The following DPP6 variants were observed in gnomAD, a reference collection of about 807,000 sequenced individuals.
DPP6 encodes the protein dipeptidyl peptidase like 6.
DPP6 carries 69 observed loss-of-function variants against 122.6 expected under a neutral mutation model. The observed-to-expected ratio is 0.56, with a 90% CI of 0.46 to 0.69. The LOEUF is 0.69. Among genes scored for constraint, DPP6 ranks in the 30% least tolerant of loss-of-function variants. The pLI is 0.00. For synonymous variants in DPP6, 418 were observed against 433.1 expected, an observed-to-expected ratio of 0.97 and a Z score of 0.43; for missense variants, 928 against 1,116.9, an observed-to-expected ratio of 0.83 and a Z score of 2.41.
intron 1 of DPP6, among the ~76,000 whole-genome samples, chr7:154,134,467 G>A (rs1440282332): frequency 7.9e-5 from 12 of 152,102 alleles, no homozygotes; most frequent in African/African-American, 2.7e-4. Context: ...CCTGACTCCC[G>A]ATGTGCTCCT....
intron 16 of DPP6, among the ~76,000 whole-genome samples, chr7:154,819,220 G>C (rs952700178): frequency 6.6e-6 from 1 of 152,190 alleles, no homozygotes; most frequent in Non-Finnish European, 1.5e-5. Context: ...TTCAAGACCA[G>C]CCTGGCCAAT....
intron 1 of DPP6, among the ~76,000 whole-genome samples, chr7:153,970,649 G>A (rs1374649849): frequency 6.6e-6 from 1 of 152,156 alleles, no homozygotes; most frequent in African/African-American, 2.4e-5. Flanking sequence ...CTGTAATACA[G>A]TTCATGTTAA....
At chr7:154,408,991 A>T (rs1361057731) in intron 1 of DPP6, among the ~76,000 whole-genome samples, 1 of 152,004 alleles carries the variant, frequency 6.6e-6, no homozygotes, top group East Asian at 1.9e-4. Flanking sequence ...AAAAGTAAAA[A>T]AATTAGCCAG....
chr7:154,891,978 G>C (rs1284749090), intron 25 of DPP6, among the ~76,000 whole-genome samples: 1 of 152,168 alleles, frequency 6.6e-6, no homozygotes, highest in Non-Finnish European at 1.5e-5. Flanking sequence ...CCGGACTGTA[G>C]AGTGTTGAAT....
chr7:154,223,071 T>G lies in DPP6; in HGVS notation c.243+170008T>G, dbSNP rs185668198. On this transcript the variant is annotated intron_variant, in intron 1 of 25. Coordinates refer to ENST00000377770, the MANE Select transcript of DPP6 (RefSeq NM_130797.4). ...TTGAGGTAGAACAGACTGCTACAGG[T>G]GAGAGAGTCTTGGTTTCCACTCCTG... Among the ~76,000 whole-genome samples the G allele has an allele frequency of 1.3e-3, 193 of 149,318 alleles. 4 individuals carry two copies. The Middle Eastern group carries it at 0.024, about 18-fold the overall frequency.
rs548692039 is a variant in DPP6, at chr7:154,648,016, C to T, written c.680+10143C>T. Reference sequence around the variant, plus strand: ...GTGTAATCCCAGCACTTTGGGGGACCGAGGCGGGCAGATCACCTGAGGTCA... The same window carrying T: ...GTGTAATCCCAGCACTTTGGGGGACTGAGGCGGGCAGATCACCTGAGGTCA... On this transcript the variant is annotated intron_variant, in intron 6 of 25. Transcript: ENST00000377770. Among the ~76,000 whole-genome samples, 17 of 151,692 alleles carry T rather than the reference C, an allele frequency of 1.1e-4. No individual in the cohort carries two copies. In the East Asian group the frequency reaches 2.5e-3, roughly 23 times the overall value.
chr7:154,345,640 T>A (rs1385936774), intron 1 of DPP6, among the ~76,000 whole-genome samples: 2 of 152,148 alleles, frequency 1.3e-5, no homozygotes, highest in African/African-American at 2.4e-5. Flanking sequence ...TACCTTGGGC[T>A]TTGCTGTTCC....
At chr7:154,493,090 TG>T (rs1824428118) in intron 3 of DPP6, among the ~76,000 whole-genome samples, 1 of 152,056 alleles carries the variant, frequency 6.6e-6, no homozygotes, top group Non-Finnish European at 1.5e-5. Context: ...TGGAAATGAG[TG>T]CACAGTTTGA....
At chr7:153,881,158 A>C in the DPP6 span, among the ~76,000 whole-genome samples, 1 of 152,206 alleles carries the variant, frequency 6.6e-6, no homozygotes. Flanking sequence ...ACAACCTACT[A>C]CTCATCAGTC....
rs984804505 is a variant in DPP6, at chr7:154,106,193, C to T, written c.243+53130C>T. Among the ~76,000 whole-genome samples, 23 of 143,420 alleles carry T rather than the reference C, an allele frequency of 1.6e-4. 1 individual carries two copies. The highest frequency in any genetic ancestry group is 1.8e-4 in the Non-Finnish European group (12 of 66,274). 94.1% of individuals were successfully genotyped at this position (143,420 alleles called of 152,430 possible). A position where few individuals can be genotyped will look rare whatever the true frequency, so the allele number is the denominator to read the frequency against. On this transcript the variant is annotated intron_variant, in intron 1 of 25. Transcript: ENST00000377770. ...GAGTTCCCCCAGGCTCCGTTACTTC[C>T]TTCTTTGCTCCCATAGCATTACCTG...
chr7:154,883,034 C>T (rs1805529755), intron 21 of DPP6, among the ~76,000 whole-genome samples: 1 of 131,382 alleles, frequency 7.6e-6, no homozygotes, highest in African/African-American at 3.2e-5. Flanking sequence ...CACCCATACA[C>T]ATGCTCACAC....
chr7:154,522,559 G>A (rs994051754), intron 3 of DPP6, among the ~76,000 whole-genome samples: 1 of 152,202 alleles, frequency 6.6e-6, no homozygotes, highest in African/African-American at 2.4e-5. Context: ...GCTGAATGCT[G>A]TTTGTATTTA....
At chr7:153,791,420 C>CTTTATTTTTTTT in the DPP6 span, among the ~76,000 whole-genome samples, 2 of 24,238 alleles carry the variant, frequency 8.3e-5, no homozygotes, top group African/African-American at 1.2e-4. Context: ...TCCTTCCTTC[C>CTTTATTTTTTTT]TTTCTTTTTT....
At chr7:153,952,445 ATTT>A (rs1802263639) in intron 1 of DPP6, among the ~76,000 whole-genome samples, 1 of 152,226 alleles carries the variant, frequency 6.6e-6, no homozygotes, top group Admixed American at 6.5e-5. Flanking sequence ...TCAAATCCAG[ATTT>A]TAATTCTATC....
At chr7:153,987,770 G>A (rs1796924961) in intron 1 of DPP6, among the ~76,000 whole-genome samples, 1 of 152,072 alleles carries the variant, frequency 6.6e-6, no homozygotes, top group Non-Finnish European at 1.5e-5. Context: ...TTTGTTGTCT[G>A]ATTTAAATAT....
chr7:154,776,199 T>TAATAGATA (rs1554463870), intron 10 of DPP6, among the ~76,000 whole-genome samples: 11 of 148,442 alleles, frequency 7.4e-5, no homozygotes, highest in Non-Finnish European at 1.5e-4. Context: ...CCATGATAGA[T>TAATAGATA]GATAGATAGA....
At chr7:154,630,046 C>T (rs981618952) in intron 5 of DPP6, among the ~76,000 whole-genome samples, 1 of 152,200 alleles carries the variant, frequency 6.6e-6, no homozygotes, top group African/African-American at 2.4e-5. Context: ...TTCCTCACAA[C>T]CCTTAGCCCT....
intron 6 of DPP6, among the ~76,000 whole-genome samples, chr7:154,667,470 G>A (rs1410876374): frequency 6.6e-6 from 1 of 152,228 alleles, no homozygotes; most frequent in African/African-American, 2.4e-5. Flanking sequence ...GCTCACGCCT[G>A]TAATTCCAGC....
chr7:154,006,886 AGT>A (rs913946633), intron 1 of DPP6, among the ~76,000 whole-genome samples: 5 of 152,210 alleles, frequency 3.3e-5, no homozygotes, highest in Admixed American at 1.3e-4. Flanking sequence ...CTCAGGTAAG[AGT>A]GGTATAGCAG....
Sources: gnomAD v4.1 joint callset for allele counts (sites outside exome capture counted in the v4.1 genomes callset) on GRCh38, gnomAD v4.1.1 for gene constraint, MANE v1.5 for transcripts, NCBI Gene and HGNC (gene_info 2026-07-23, HGNC 2026-07-21) for gene names.